CSNK1G1: variants seen among roughly 807,000 people sequenced by gnomAD.
CSNK1G1 encodes the protein casein kinase I isoform gamma-1.
A neutral mutation model predicts 59.6 loss-of-function variants in CSNK1G1; 22 were observed. That is an observed-to-expected ratio of 0.37 (90% CI 0.26 to 0.53). The LOEUF (loss-of-function observed/expected upper bound fraction) is 0.53. Ranked by LOEUF, CSNK1G1 falls within the 20% of genes least tolerant of loss-of-function variation. The pLI, the probability that CSNK1G1 is intolerant of heterozygous loss-of-function variation, is 0.89. For synonymous variants in CSNK1G1, 179 were observed against 177.1 expected (o/e 1.01, Z -0.08); for missense variants, 384 against 519.5 (o/e 0.74, Z 2.54).
intron 1 of CSNK1G1, among the ~76,000 whole-genome samples, chr15:64,352,985 A>G (rs1898400725): frequency 6.6e-6 from 1 of 152,012 alleles, no homozygotes; most frequent in South Asian, 2.1e-4. Flanking sequence ...GCTACTCAGG[A>G]AGCTGAGGTG....
intron 9 of CSNK1G1, among the ~76,000 whole-genome samples, chr15:64,203,729 A>G (rs1567371416): frequency 6.9e-6 from 1 of 145,820 alleles, no homozygotes; most frequent in African/African-American, 2.6e-5. Context: ...AATTTCCTCC[A>G]CTGATATCTG....
chr15:64,219,380 A>AT (rs1219147683), intron 4 of CSNK1G1, among the ~76,000 whole-genome samples: 1 of 152,142 alleles, frequency 6.6e-6, no homozygotes, highest in Non-Finnish European at 1.5e-5. Context: ...CTAAAATGTT[A>AT]TTTTCCTAAT....
chr15:64,177,934 G>A (rs993115279), intron 11 of CSNK1G1, among the ~76,000 whole-genome samples: 2 of 152,208 alleles, frequency 1.3e-5, no homozygotes, highest in African/African-American at 4.8e-5. Context: ...GAATGGGGTG[G>A]GAGCTGGGAA....
At chr15:64,260,784 C>G (rs185295846) in intron 2 of CSNK1G1, among the ~76,000 whole-genome samples, 1 of 152,126 alleles carries the variant, frequency 6.6e-6, no homozygotes, top group South Asian at 2.1e-4. Context: ...TACAAATTCT[C>G]ATTTACAAAC....
chr15:64,330,336 T>C (rs2140456113), intron 1 of CSNK1G1, among the ~76,000 whole-genome samples: 1 of 148,492 alleles, frequency 6.7e-6, no homozygotes, highest in East Asian at 2.0e-4. Flanking sequence ...CATGATCAAG[T>C]GGGCTTCATC....
chr15:64,184,138 C>T (rs2081857602), intron 10 of CSNK1G1, among the ~76,000 whole-genome samples: 1 of 151,418 alleles, frequency 6.6e-6, no homozygotes, highest in Non-Finnish European at 1.5e-5. Flanking sequence ...TCCGTCTCTA[C>T]TAAAAATACA....
intron 1 of CSNK1G1, among the ~76,000 whole-genome samples, chr15:64,303,125 G>A (rs1895454648): frequency 6.6e-6 from 1 of 151,694 alleles, no homozygotes; most frequent in African/African-American, 2.4e-5. Context: ...AGTTACTTGG[G>A]AGGCTGAGAT....
chr15:64,209,589 G>A (rs185646197), intron 6 of CSNK1G1, among the ~76,000 whole-genome samples: 23 of 152,146 alleles, frequency 1.5e-4, no homozygotes, highest in African/African-American at 5.1e-4. Flanking sequence ...AATGAAAACA[G>A]CATGACCATC....
chr15:64,349,496 T>C (rs1898166086), intron 1 of CSNK1G1, among the ~76,000 whole-genome samples: 1 of 152,150 alleles, frequency 6.6e-6, no homozygotes, highest in Non-Finnish European at 1.5e-5. Context: ...ACCCCCACTA[T>C]AACTACACTG....
intron 1 of CSNK1G1, among the ~76,000 whole-genome samples, chr15:64,325,709 A>C (rs1365449798): frequency 6.6e-6 from 1 of 152,206 alleles, no homozygotes; most frequent in African/African-American, 2.4e-5. Context: ...ACTGCATACC[A>C]GGCACTATGC....
Position 64,331,838 on chromosome 15 carries a change from A to G in CSNK1G1, c.-225+24150T>C, listed in dbSNP as rs1207286966. On this transcript the variant is annotated intron_variant, in intron 1 of 11. Coordinates refer to ENST00000303052, the MANE Select transcript of CSNK1G1 (RefSeq NM_022048.5). ...ACTCAAACAAATTTACAAGAAAAAA[A>G]CAACCCCATCAAAAAGTGGGCGAAG... is the stretch of plus-strand genomic sequence containing the variant. Among the ~76,000 whole-genome samples the G allele has an allele frequency of 3.7e-4, 55 of 150,400 alleles. 1 individual carries two copies. Among genetic ancestry groups the G allele is most frequent in the African/African-American group, 1.2e-3 (48 of 41,094 alleles).
intron 10 of CSNK1G1, among the ~76,000 whole-genome samples, chr15:64,186,434 C>T (rs1463022415): frequency 9.2e-5 from 14 of 152,204 alleles, no homozygotes; most frequent in Admixed American, 3.9e-4. Flanking sequence ...TCTATTAATT[C>T]TGATAACACA....
chr15:64,208,391 T>C (rs1052844537), intron 6 of CSNK1G1, among the ~76,000 whole-genome samples: 17 of 152,100 alleles, frequency 1.1e-4, no homozygotes, highest in African/African-American at 4.1e-4. Flanking sequence ...CTAAAACAAG[T>C]TGCTGGGTTT....
intron 1 of CSNK1G1, among the ~76,000 whole-genome samples, chr15:64,310,652 G>A (rs952506737): frequency 6.6e-6 from 1 of 151,998 alleles, no homozygotes; most frequent in South Asian, 2.1e-4. Context: ...AGGAGTTCGA[G>A]GTTGCAGTGA....
At chr15:64,259,779 T>C (rs1362849692) in intron 2 of CSNK1G1, among the ~76,000 whole-genome samples, 1 of 152,168 alleles carries the variant, frequency 6.6e-6, no homozygotes, top group Non-Finnish European at 1.5e-5. Context: ...TGTAAGGAGA[T>C]GATTCTCAAA....
intron 2 of CSNK1G1, chr15:64,265,651 T>C: frequency 2.9e-6 from 1 of 346,944 alleles, no homozygotes; most frequent in South Asian, 2.3e-5. Context: ...CAATCCCATT[T>C]ACAATAGCTT....
chr15:64,353,063 T>G (rs1423402553), intron 1 of CSNK1G1, among the ~76,000 whole-genome samples: 1 of 152,008 alleles, frequency 6.6e-6, no homozygotes, highest in East Asian at 1.9e-4. Context: ...CACTCCAGCC[T>G]AGGTGACAGA....
In CSNK1G1 at chr15:64,272,877, TA is replaced by T. The variant is rs973334329; in HGVS notation, c.182-13637del. The stretch of plus-strand genomic sequence containing the variant: ...CTTGGAATGCACCACCACATCCAGC[TA>T]ATTTTTGTAGAGACAGGGTTTTGCC... On this transcript the variant is annotated intron_variant, in intron 2 of 11. Coordinates refer to ENST00000303052, the MANE Select transcript of CSNK1G1 (RefSeq NM_022048.5). Among the ~76,000 whole-genome samples the T allele has an allele frequency of 4.6e-5, 7 of 152,116 alleles. No individual in the cohort carries two copies. The South Asian group carries it at 1.5e-3, about 32-fold the overall frequency.
At chr15:64,290,877 C>T (rs2140384864) in intron 2 of CSNK1G1, among the ~76,000 whole-genome samples, 1 of 152,248 alleles carries the variant, frequency 6.6e-6, no homozygotes, top group South Asian at 2.1e-4. Flanking sequence ...CCATGCCTGG[C>T]TAATTTTTGT....
Sources: allele counts gnomAD v4.1 joint callset (sites outside exome capture counted in the v4.1 genomes callset), GRCh38; gene constraint gnomAD v4.1.1; transcripts MANE v1.5; gene names NCBI Gene and HGNC (gene_info 2026-07-23, HGNC 2026-07-21).